Variants in CSMD3 observed in about 807,000 individuals in gnomAD.
CSMD3 encodes CUB and Sushi multiple domains 3.
In CSMD3, 177 loss-of-function variants were observed where a neutral mutation model predicts 435.2. That is an observed-to-expected ratio of 0.41 (90% CI 0.36 to 0.46). CSMD3 has a LOEUF of 0.46. Among genes scored for constraint, CSMD3 ranks in the 20% least tolerant of loss-of-function variants. The pLI is 0.34. For synonymous variants in CSMD3, 1,656 were observed against 1,520.5 expected, an observed-to-expected ratio of 1.09 and a Z score of -2.07; for missense variants, 4,265 against 4,504.6, an observed-to-expected ratio of 0.95 and a Z score of 1.52.
At chr8:112,450,312 T>G (rs1563549959) in intron 32 of CSMD3, among the ~76,000 whole-genome samples, 1 of 152,166 alleles carries the variant, frequency 6.6e-6, no homozygotes, top group Non-Finnish European at 1.5e-5. Flanking sequence ...CACAACTAAT[T>G]GCATTTTCTT....
chr8:112,405,860 C>T (rs1831809778), intron 35 of CSMD3, among the ~76,000 whole-genome samples: 2 of 151,906 alleles, frequency 1.3e-5, no homozygotes, highest in African/African-American at 4.8e-5. Context: ...AATCTTTGCA[C>T]AAACTTTTAA....
chr8:112,407,631 A>T (rs952626691), intron 34 of CSMD3, among the ~76,000 whole-genome samples: 15 of 152,040 alleles, frequency 9.9e-5, no homozygotes, highest in Admixed American at 9.8e-4. Flanking sequence ...CAACTGATAA[A>T]TGGGGTAAGA....
At chr8:112,289,281 G>GA (rs1488574493) in intron 57 of CSMD3, 84 bp downstream of exon 57, 1 of 1,105,482 alleles carries the variant, frequency 9.0e-7, no homozygotes, top group East Asian at 2.4e-5. Context: ...TAAGTCTTTA[G>GA]ATTGTTTTGT....
chr8:112,728,980 C>CAT (rs1223278667), intron 13 of CSMD3, among the ~76,000 whole-genome samples: 2 of 152,002 alleles, frequency 1.3e-5, no homozygotes, highest in Middle Eastern at 3.4e-3. Context: ...TACAAACACA[C>CAT]ATATATATAT....
At chr8:112,267,585 G>C (rs1337365832) in intron 59 of CSMD3, among the ~76,000 whole-genome samples, 1 of 152,028 alleles carries the variant, frequency 6.6e-6, no homozygotes, top group African/African-American at 2.4e-5. Flanking sequence ...AAATTAAAGA[G>C]AACACCTATA....
At chr8:112,332,062 C>T (rs1160270650) in intron 45 of CSMD3, among the ~76,000 whole-genome samples, 1 of 151,996 alleles carries the variant, frequency 6.6e-6, no homozygotes, top group Admixed American at 6.6e-5. Flanking sequence ...TAAATGCAAA[C>T]AACTTTTTAA....
intron 1 of CSMD3, chr8:113,377,231 C>CGA: frequency 1.2e-6 from 1 of 840,568 alleles, no homozygotes; most frequent in Non-Finnish European, 1.5e-6. Flanking sequence ...AAGGGCCAGC[C>CGA]GAGGATACAA....
intron 26 of CSMD3, among the ~76,000 whole-genome samples, chr8:112,551,500 T>A (rs957941668): frequency 2.0e-5 from 3 of 152,140 alleles, no homozygotes; most frequent in Non-Finnish European, 4.4e-5. Flanking sequence ...CAACTCTACA[T>A]ACAATACATT....
chr8:112,343,794 G>C (rs899166101), intron 41 of CSMD3, among the ~76,000 whole-genome samples: 35 of 152,020 alleles, frequency 2.3e-4, no homozygotes, highest in Non-Finnish European at 2.9e-5. Flanking sequence ...ATACAGGCGG[G>C]CTCCACCATG....
chr8:113,040,317 C>T (rs2087552887), intron 5 of CSMD3, among the ~76,000 whole-genome samples: 1 of 152,108 alleles, frequency 6.6e-6, no homozygotes, highest in South Asian at 2.1e-4. Context: ...GGTTATTGCA[C>T]AGTCTTGTGA....
chr8:112,721,066 T>C (rs1242330340), intron 13 of CSMD3, among the ~76,000 whole-genome samples: 6 of 152,144 alleles, frequency 3.9e-5, no homozygotes, highest in East Asian at 1.9e-4. Flanking sequence ...TCCATATATA[T>C]GGTTAAATGC....
At chr8:112,419,083 C>T (rs908033092) in intron 32 of CSMD3, among the ~76,000 whole-genome samples, 1 of 152,128 alleles carries the variant, frequency 6.6e-6, no homozygotes, top group Non-Finnish European at 1.5e-5. Context: ...ATTAGGGATA[C>T]TTGACTGTAC....
At chr8:113,394,135 A>G (rs2094472910) in intron 1 of CSMD3, among the ~76,000 whole-genome samples, 2 of 147,476 alleles carry the variant, frequency 1.4e-5, no homozygotes, top group South Asian at 4.4e-4. Flanking sequence ...TGGGTACTAA[A>G]AAAACTCTAA....
intron 27 of CSMD3, among the ~76,000 whole-genome samples, chr8:112,534,796 A>T (rs1825894378): frequency 6.6e-6 from 1 of 152,120 alleles, no homozygotes; most frequent in Non-Finnish European, 1.5e-5. Flanking sequence ...ATACTGGCAA[A>T]CCGAATCCAG....
At chr8:112,227,344 G>A (rs887418743) in intron 70 of CSMD3, among the ~76,000 whole-genome samples, 5 of 152,122 alleles carry the variant, frequency 3.3e-5, no homozygotes, top group Non-Finnish European at 4.4e-5. Flanking sequence ...TTCCATTTAC[G>A]TAAAAAATAT....
At chr8:112,564,637 T>G (rs1196372442) in intron 24 of CSMD3, among the ~76,000 whole-genome samples, 1 of 152,034 alleles carries the variant, frequency 6.6e-6, no homozygotes, top group Non-Finnish European at 1.5e-5. Context: ...TGCCTGTAGC[T>G]GCTGGTGGAA....
At chr8:113,248,393 T>C (rs1394982072) in intron 3 of CSMD3, among the ~76,000 whole-genome samples, 3 of 147,356 alleles carry the variant, frequency 2.0e-5, no homozygotes, top group Non-Finnish European at 4.5e-5. Flanking sequence ...TAATATACAC[T>C]ATAGAGATTA....
chr8:112,677,220 G>C (rs2075788056), intron 16 of CSMD3, among the ~76,000 whole-genome samples: 3 of 151,830 alleles, frequency 2.0e-5, no homozygotes, highest in Non-Finnish European at 4.4e-5. Context: ...TAGAAAGGGA[G>C]AGAAGAAGAG....
At chr8:112,974,916 A>G (rs551314744) in intron 7 of CSMD3, among the ~76,000 whole-genome samples, 63 of 152,036 alleles carry the variant, frequency 4.1e-4, no homozygotes, top group Non-Finnish European at 7.8e-4. Flanking sequence ...TAGCCAGTTT[A>G]GAGAAAATAT....
Sources: allele counts gnomAD v4.1 joint callset (sites outside exome capture counted in the v4.1 genomes callset), GRCh38; gene constraint gnomAD v4.1.1; transcripts MANE v1.5; gene names NCBI Gene and HGNC (gene_info 2026-07-23, HGNC 2026-07-21).